TENM3: variants seen among roughly 807,000 people sequenced by gnomAD.
TENM3 encodes teneurin-3.
Under a neutral mutation model 255.1 loss-of-function variants are expected in TENM3, and 63 were observed. The observed-to-expected ratio is 0.25, with a 90% CI of 0.20 to 0.30. The LOEUF is 0.30. Among genes scored for constraint, TENM3 ranks in the 10% least tolerant of loss-of-function variants. The pLI, the probability that TENM3 is intolerant of heterozygous loss-of-function variation, is 1.00. For synonymous variants in TENM3, 1,306 were observed against 1,322.3 expected (o/e 0.99, Z 0.27); for missense variants, 2,929 against 3,461.1 (o/e 0.85, Z 3.86).
chr4:182,383,144 A>T (rs1767683226), intron 3 of TENM3, among the ~76,000 whole-genome samples: 1 of 152,044 alleles, frequency 6.6e-6, no homozygotes. Context: ...GGGGTGGTGG[A>T]TGGAAAATTA....
intron 6 of TENM3, among the ~76,000 whole-genome samples, chr4:182,660,090 T>A (rs34624991): frequency 0.14 from 21,527 of 152,018 alleles, 2,344 homozygotes; most frequent in East Asian, 0.51. Flanking sequence ...AAACATACAA[T>A]GGTGTATAGT....
At chr4:182,770,717 T>C (rs1403549960) in intron 22 of TENM3, among the ~76,000 whole-genome samples, 4 of 152,230 alleles carry the variant, frequency 2.6e-5, no homozygotes, top group Non-Finnish European at 5.9e-5. Flanking sequence ...TCATTTGTAA[T>C]AGTTAAATTG....
intron 1 of TENM3, among the ~76,000 whole-genome samples, chr4:182,282,242 C>T (rs1254432039): frequency 6.6e-6 from 1 of 152,138 alleles, no homozygotes; most frequent in Non-Finnish European, 1.5e-5. Context: ...CATAGGCATG[C>T]CCAACCCCAA....
At chr4:181,790,235 C>T in the TENM3 span, among the ~76,000 whole-genome samples, 14 of 152,000 alleles carry the variant, frequency 9.2e-5, no homozygotes, top group Admixed American at 2.0e-4. Flanking sequence ...TCTGGCCACA[C>T]GTGGGTTCTG....
At chr4:181,620,627 G>C in the TENM3 span, among the ~76,000 whole-genome samples, 2 of 147,734 alleles carry the variant, frequency 1.4e-5, no homozygotes, top group East Asian at 4.0e-4. Context: ...GGCAGGGAAA[G>C]CCTACGTGAG....
At chr4:181,787,812 T>C in the TENM3 span, among the ~76,000 whole-genome samples, 1 of 152,122 alleles carries the variant, frequency 6.6e-6, no homozygotes, top group Admixed American at 6.5e-5. Context: ...TGTTGATTTG[T>C]CTTTGCTTGT....
intron 3 of TENM3, among the ~76,000 whole-genome samples, chr4:182,367,162 T>C (rs761207147): frequency 2.6e-5 from 4 of 152,098 alleles, no homozygotes; most frequent in Non-Finnish European, 5.9e-5. Context: ...CTTCGAAAGA[T>C]GGTAAAATCT....
chr4:181,970,535 T>C, the TENM3 span, among the ~76,000 whole-genome samples: 1 of 152,374 alleles, frequency 6.6e-6, no homozygotes, highest in African/African-American at 2.4e-5. Flanking sequence ...AAGCAGTTTT[T>C]AGAACTCTCC....
At chr4:182,655,985 T>C (rs2309693) in intron 6 of TENM3, among the ~76,000 whole-genome samples, 152,001 of 152,334 alleles carry the variant, frequency 1, 75,835 homozygotes, top group Middle Eastern at 1. Flanking sequence ...TCATACTTTA[T>C]GAAATATTGT....
the TENM3 span, among the ~76,000 whole-genome samples, chr4:182,112,205 G>A: frequency 7.9e-5 from 12 of 152,090 alleles, no homozygotes; most frequent in South Asian, 2.5e-3. Context: ...TCCAAATATT[G>A]GACTTTTTAT....
At chr4:181,457,186 G>A in the TENM3 span, among the ~76,000 whole-genome samples, 1 of 151,686 alleles carries the variant, frequency 6.6e-6, no homozygotes, top group East Asian at 1.9e-4. Flanking sequence ...AGTGAAAGTG[G>A]TATTTCAAAA....
intron 4 of TENM3, among the ~76,000 whole-genome samples, chr4:182,626,923 C>T (rs993999971): frequency 2.6e-5 from 4 of 151,856 alleles, no homozygotes; most frequent in African/African-American, 4.8e-5. Flanking sequence ...ATTTTTTTTA[C>T]AGGTCAAGAA....
chr4:182,089,140 G>A, the TENM3 span, among the ~76,000 whole-genome samples: 1 of 152,246 alleles, frequency 6.6e-6, no homozygotes, highest in South Asian at 2.1e-4. Flanking sequence ...GAGCTTTCCA[G>A]CCCCCAGAAC....
intron 3 of TENM3, among the ~76,000 whole-genome samples, chr4:182,363,405 AT>A (rs1200357276): frequency 6.6e-6 from 1 of 151,798 alleles, no homozygotes; most frequent in African/African-American, 2.4e-5. Context: ...ATATGTATAT[AT>A]TCATATATGT....
the TENM3 span, among the ~76,000 whole-genome samples, chr4:182,134,650 T>C: frequency 1.3e-5 from 2 of 152,312 alleles, no homozygotes; most frequent in South Asian, 2.1e-4. Flanking sequence ...GAAATTTGGA[T>C]GCTTCTCTGC....
At chr4:181,475,000 A>G in the TENM3 span, among the ~76,000 whole-genome samples, 1 of 152,026 alleles carries the variant, frequency 6.6e-6, no homozygotes, top group Non-Finnish European at 1.5e-5. Context: ...TAAAATGAAT[A>G]GCAGCATAGT....
the TENM3 span, among the ~76,000 whole-genome samples, chr4:182,014,047 T>C: frequency 2.5e-5 from 1 of 40,172 alleles, no homozygotes; most frequent in African/African-American, 1.0e-4. Context: ...TATATACGTA[T>C]ATATACGTGT....
At chr4:181,901,522 G>A in the TENM3 span, among the ~76,000 whole-genome samples, 1 of 152,192 alleles carries the variant, frequency 6.6e-6, no homozygotes, top group Non-Finnish European at 1.5e-5. Flanking sequence ...AATTATTTTA[G>A]AGATTTCCAA....
chr4:181,503,032 G>A, the TENM3 span, among the ~76,000 whole-genome samples: 8 of 152,224 alleles, frequency 5.3e-5, no homozygotes, highest in South Asian at 2.1e-4. Context: ...CTTAAAAATG[G>A]GAAGACACTT....
Sources: gnomAD v4.1 joint callset for allele counts (sites outside exome capture counted in the v4.1 genomes callset) on GRCh38, gnomAD v4.1.1 for gene constraint, MANE v1.5 for transcripts, NCBI Gene and HGNC (gene_info 2026-07-23, HGNC 2026-07-21) for gene names.